UNC13B: variants seen among roughly 807,000 people sequenced by gnomAD.
UNC13B encodes unc-13 homolog B.
In UNC13B, 144 loss-of-function variants were observed where a neutral mutation model predicts 211.0. The ratio of observed to expected loss-of-function variants is 0.68; its 90% CI spans 0.60 to 0.78. The LOEUF is 0.78. UNC13B is among the 30% of genes least tolerant of loss of function. The probability of loss-of-function intolerance (pLI) is 0.00; values close to 1 mark genes in which losing one functional copy is unlikely to be tolerated. For missense variants in UNC13B, 1,777 were observed against 2,002.0 expected, an observed-to-expected ratio of 0.89 and a Z score of 2.14; for synonymous variants, 709 against 725.8, an observed-to-expected ratio of 0.98 and a Z score of 0.37.
chr9:35,282,018 T>C (rs1480703474), intron 7 of UNC13B, among the ~76,000 whole-genome samples: 1 of 152,210 alleles, frequency 6.6e-6, no homozygotes, highest in Non-Finnish European at 1.5e-5. Context: ...AAGCTGTTTA[T>C]ATTTTATCTT....
chr9:35,176,655 T>C (rs547399197), intron 1 of UNC13B, among the ~76,000 whole-genome samples: 2 of 152,120 alleles, frequency 1.3e-5, no homozygotes, highest in Non-Finnish European at 2.9e-5. Flanking sequence ...GAAGTTTATA[T>C]AGACTAGTAG....
At position 35,385,324 on chromosome 9, in the gene UNC13B, G is replaced by A. The variant is rs953231130; in HGVS notation, c.10876-400G>A. 9 of 985,300 alleles carry A rather than the reference G, an allele frequency of 9.1e-6. No homozygotes were observed. The African/African-American group carries it at 1.2e-4, about 13-fold the overall frequency. 61.0% of individuals were successfully genotyped at this position (985,300 alleles called of 1,614,324 possible). On this transcript the variant is annotated intron_variant, in intron 22 of 39. Coordinates refer to ENST00000635942, the MANE Select transcript of UNC13B (RefSeq NM_001371189.2). ...GGACCTCAGTTTGGTCTGTAGTGTG[G>A]CTCCACTTATATTCCAGGATATACA...
chr9:35,377,625 G>A lies in UNC13B; in HGVS notation c.9993G>A (p.Gln3331=), dbSNP rs1371777184. The part of the protein sequence containing the change: ...VFTVNKAAHV[Q]QMKTVKQSVL... ...CAGTGAACAAAGCTGCCCATGTGCA[G>A]CAGATGAAAACAGTGAAGCAGAGTG... The change falls in exon 16 of 40, where the codon CAG becomes CAA. Residue 3331 remains glutamine (Q), a synonymous_variant. Transcript: ENST00000635942. The A allele has an allele frequency of 1.2e-6, 2 of 1,614,224 alleles. No individual in the cohort carries two copies. Among genetic ancestry groups the A allele is most frequent in the South Asian group, 2.2e-5 (2 of 91,080 alleles).
chr9:35,232,221 C>G (rs1417129550), intron 3 of UNC13B, among the ~76,000 whole-genome samples: 1 of 74,728 alleles, frequency 1.3e-5, no homozygotes, highest in Non-Finnish European at 2.8e-5. Flanking sequence ...CACTCTCTCA[C>G]CCATCCTAGA....
At chr9:35,374,981 G>A in intron 13 of UNC13B, 146 bp from the exon 14 acceptor site, 1 of 803,592 alleles carries the variant, frequency 1.2e-6, no homozygotes, top group East Asian at 2.5e-5. Context: ...CTTGTCACCT[G>A]TTAGGGCGGT....
intron 1 of UNC13B, among the ~76,000 whole-genome samples, chr9:35,211,552 T>C (rs921894225): frequency 6.6e-6 from 1 of 152,244 alleles, no homozygotes; most frequent in Non-Finnish European, 1.5e-5. Flanking sequence ...CCAAATAGAT[T>C]ACAATGAGTA....
chr9:35,297,023 A>G (rs1453442292), intron 8 of UNC13B, among the ~76,000 whole-genome samples: 2 of 150,284 alleles, frequency 1.3e-5, no homozygotes, highest in Non-Finnish European at 3.0e-5. Flanking sequence ...TTTGGTTTTC[A>G]TGTTTCCTTA....
At position 35,301,393 on chromosome 9, in the gene UNC13B, C is replaced by G. The variant is rs1315630988; in HGVS notation, c.1989C>G (p.Ile663Met). 2.5e-6 allele frequency: 1 copy of G among 398,522 alleles called. No homozygotes were observed. The highest frequency in any genetic ancestry group is 4.4e-6 in the Non-Finnish European group (1 of 225,918). 24.7% of individuals were successfully genotyped at this position (398,522 alleles called of 1,614,324 possible). A position where few individuals can be genotyped will look rare whatever the true frequency, so the allele number is the denominator to read the frequency against. Residue 663 changes from isoleucine (I) to methionine (M), a missense_variant, in exon 9 of 40, where the codon ATC becomes ATG. Transcript: ENST00000635942. ...SVFSRLNPLK[I>M]FSEKEETKKD... is the part of the protein sequence containing the mutation. ...TCAGCAGGTTAAATCCATTGAAGAT[C>G]TTTTCAGAAAAGGAGGAAACAAAAA...
intron 7 of UNC13B, among the ~76,000 whole-genome samples, chr9:35,276,084 T>A (rs1341713122): frequency 6.6e-6 from 1 of 151,982 alleles, no homozygotes; most frequent in African/African-American, 2.4e-5. Flanking sequence ...AGTGGGCAGG[T>A]TGTTTGAGCT....
In UNC13B at chr9:35,301,653, G is replaced by A. The variant is rs982623377; in HGVS notation, c.2249G>A (p.Ser750Asn). The A allele has an allele frequency of 5.0e-6, 2 of 398,702 alleles. No individual in the cohort carries two copies. The highest frequency in any genetic ancestry group is 6.3e-4 in the Middle Eastern group (1 of 1,588). 24.7% of individuals were successfully genotyped at this position (398,702 alleles called of 1,614,324 possible). Residue 750 changes from serine (S) to asparagine (N), a missense_variant, in exon 9 of 40, where the codon AGT (serine) becomes AAT (asparagine). Ser to Asn is a conservative substitution (Grantham distance 46). Coordinates refer to ENST00000635942, the MANE Select transcript of UNC13B (RefSeq NM_001371189.2). ...LVSSASKNDESLLEEKLCIDL... is the reference protein window; with the variant it reads ...LVSSASKNDENLLEEKLCIDL... ...AGTTCTGCAAGTAAAAATGATGAGA[G>A]TCTATTGGAAGAAAAACTCTGTATA...
At chr9:35,397,898 G>A (rs1390594964) in intron 30 of UNC13B, among the ~76,000 whole-genome samples, 186 bp downstream of exon 30, 1 of 151,696 alleles carries the variant, frequency 6.6e-6, no homozygotes, top group Non-Finnish European at 1.5e-5. Context: ...AGTCTCATTT[G>A]GTACATTATC....
chr9:35,169,290 G>A (rs896821613), intron 1 of UNC13B, among the ~76,000 whole-genome samples: 9 of 152,120 alleles, frequency 5.9e-5, no homozygotes, highest in Non-Finnish European at 1.3e-4. Context: ...AGAGATTGAG[G>A]GTGTAGTGAG....
chr9:35,203,086 C>T (rs1406870585), intron 1 of UNC13B, among the ~76,000 whole-genome samples: 1 of 152,118 alleles, frequency 6.6e-6, no homozygotes, highest in East Asian at 1.9e-4. Flanking sequence ...GCCACCATGC[C>T]CGGCCGGGTC....
chr9:35,190,427 T>A (rs1822589251), intron 1 of UNC13B, among the ~76,000 whole-genome samples: 1 of 152,240 alleles, frequency 6.6e-6, no homozygotes, highest in Non-Finnish European at 1.5e-5. Context: ...AGTAATTTGA[T>A]ATCCCCAAAA....
rs1829797226 is a variant in UNC13B, at chr9:35,303,782, C to T, written c.4378C>T (p.Pro1460Ser). Reference protein sequence around the residue: ...NSLYGNSGPLPINEANNSLEE... With the variant: ...NSLYGNSGPLSINEANNSLEE... ...ATTATATGGAAACTCTGGTCCTCTTCCAATTAATGAGGCTAATAATTCACT... is the reference window on the plus strand; with the variant it reads ...ATTATATGGAAACTCTGGTCCTCTTTCAATTAATGAGGCTAATAATTCACT... The change falls in exon 9 of 40, where the codon CCA becomes TCA. Residue 1460 changes from proline (P) to serine (S), a missense_variant. Coordinates refer to ENST00000635942, the MANE Select transcript of UNC13B (RefSeq NM_001371189.2). 2 of 398,632 alleles carry T rather than the reference C, an allele frequency of 5.0e-6. No homozygotes were observed. Among genetic ancestry groups the T allele is most frequent in the Non-Finnish European group, 8.9e-6 (2 of 225,852 alleles). 24.7% of individuals were successfully genotyped at this position (398,632 alleles called of 1,614,324 possible). A position where few individuals can be genotyped will look rare whatever the true frequency, so the allele number is the denominator to read the frequency against.
At chr9:35,189,124 C>T (rs924805314) in intron 1 of UNC13B, among the ~76,000 whole-genome samples, 1 of 152,166 alleles carries the variant, frequency 6.6e-6, no homozygotes, top group Non-Finnish European at 1.5e-5. Flanking sequence ...ATCCCTCATA[C>T]CTGGGCAAAA....
chr9:35,197,641 G>A (rs761677434), intron 1 of UNC13B, among the ~76,000 whole-genome samples: 1 of 152,204 alleles, frequency 6.6e-6, no homozygotes, highest in African/African-American at 2.4e-5. Context: ...CCCTAACGTT[G>A]GAGGAGGGGC....
chr9:35,339,899 A>C (rs1370898303), intron 11 of UNC13B, among the ~76,000 whole-genome samples: 2 of 152,126 alleles, frequency 1.3e-5, no homozygotes, highest in African/African-American at 2.4e-5. Flanking sequence ...GCAGGGTCCT[A>C]CCTCTGGGGA....
At chr9:35,268,299 T>C (rs990806145) in intron 7 of UNC13B, among the ~76,000 whole-genome samples, 1 of 152,186 alleles carries the variant, frequency 6.6e-6, no homozygotes, top group Non-Finnish European at 1.5e-5. Context: ...ACAAGACAGC[T>C]GACAAGGATC....
Sources: gnomAD v4.1 joint callset for allele counts (sites outside exome capture counted in the v4.1 genomes callset) on GRCh38, gnomAD v4.1.1 for gene constraint, MANE v1.5 for transcripts, NCBI Gene and HGNC (gene_info 2026-07-23, HGNC 2026-07-21) for gene names.